The following FAR2 variants were observed in gnomAD, a reference collection of about 807,000 sequenced individuals.
FAR2 encodes the protein epididymis secretory protein Li 81.
In FAR2, 19 loss-of-function variants were observed where a neutral mutation model predicts 56.0. The observed-to-expected ratio is 0.34, with a 90% confidence interval of 0.24 to 0.50. The LOEUF (loss-of-function observed/expected upper bound fraction) is 0.50. FAR2 is among the 20% of genes least tolerant of loss of function. The probability of loss-of-function intolerance (pLI) is 0.98; values close to 1 mark genes in which losing one functional copy is unlikely to be tolerated. For synonymous variants in FAR2, 219 were observed against 218.8 expected, an observed-to-expected ratio of 1.00 and a Z score of -0.01; for missense variants, 508 against 642.2, an observed-to-expected ratio of 0.79 and a Z score of 2.26.
intron 1 of FAR2, among the ~76,000 whole-genome samples, chr12:29,204,618 G>A (rs148803618): frequency 6.6e-6 from 1 of 152,088 alleles, no homozygotes; most frequent in Non-Finnish European, 1.5e-5. Context: ...CGAGAGACTG[G>A]GTAATTTACA....
intron 1 of FAR2, among the ~76,000 whole-genome samples, chr12:29,170,048 A>G (rs1477861692): frequency 1.3e-5 from 2 of 152,320 alleles, no homozygotes; most frequent in Middle Eastern, 3.4e-3. Context: ...TTTGCTATTA[A>G]TAAGACCTCA....
chr12:29,160,605 G>A (rs1048322967), intron 1 of FAR2, among the ~76,000 whole-genome samples: 3 of 152,116 alleles, frequency 2.0e-5, no homozygotes, highest in Admixed American at 6.6e-5. Context: ...CAAACTGGGC[G>A]GCTTAACCAA....
rs80177285 is a variant in FAR2, at chr12:29,254,470, G to T, written c.-38-15942G>T. ...ATGCTTCAGTCTCTTGAGTAGCTGG[G>T]ATTACAGGAGTGTGCCATTGTGCCC... is the stretch of plus-strand genomic sequence containing the variant. On this transcript the variant is annotated intron_variant, in intron 1 of 11. Transcript: ENST00000536681. 9.2e-3 allele frequency among the ~76,000 whole-genome samples: 1,399 copies of T among 152,232 alleles called. 14 individuals carry two copies. Among genetic ancestry groups the T allele is most frequent in the Admixed American group, 0.019 (295 of 15,288 alleles).
At chr12:29,276,994 G>T (rs1948711481) in intron 2 of FAR2, among the ~76,000 whole-genome samples, 1 of 151,688 alleles carries the variant, frequency 6.6e-6, no homozygotes, top group Non-Finnish European at 1.5e-5. Context: ...TATTTATTTT[G>T]AGACGGAGTC....
At chr12:29,169,388 A>T (rs140751680) in intron 1 of FAR2, among the ~76,000 whole-genome samples, 5 of 152,230 alleles carry the variant, frequency 3.3e-5, no homozygotes, top group African/African-American at 1.2e-4. Flanking sequence ...GACCACCTGT[A>T]GCTCGATGGC....
At chr12:29,166,245 CTT>C (rs1226284771) in intron 1 of FAR2, among the ~76,000 whole-genome samples, 1 of 152,156 alleles carries the variant, frequency 6.6e-6, no homozygotes, top group Non-Finnish European at 1.5e-5. Context: ...CTGATAAGGT[CTT>C]TTGTGTGTGT....
intron 1 of FAR2, among the ~76,000 whole-genome samples, chr12:29,231,984 A>G (rs1406726619): frequency 2.0e-5 from 3 of 152,204 alleles, no homozygotes; most frequent in East Asian, 1.9e-4. Flanking sequence ...TGTTTGGAGA[A>G]TAGATAAGCA....
intron 2 of FAR2, chr12:29,281,023 C>T (rs528277280): frequency 2.0e-5 from 3 of 152,384 alleles, no homozygotes; most frequent in East Asian, 3.9e-4. Flanking sequence ...ATAGAAGACA[C>T]TCATTCCTAC....
At chr12:29,156,351 T>G (rs1363461973) in intron 1 of FAR2, 1 of 152,204 alleles carries the variant, frequency 6.6e-6, no homozygotes, top group African/African-American at 2.4e-5. Flanking sequence ...ACAAACTATT[T>G]TTGGCATTGG....
chr12:29,314,083 T>C lies in FAR2; in HGVS notation c.955+2133T>C, dbSNP rs184289703. On this transcript the variant is annotated intron_variant, in intron 8 of 11. Coordinates refer to ENST00000536681, the MANE Select transcript of FAR2 (RefSeq NM_001271783.2). ...CTCTAAGCATTAAGCATTTTTCATT[T>C]AAATTCTTCTTTGACCTATGAGGAT... 1.2e-3 allele frequency among the ~76,000 whole-genome samples: 178 copies of C among 152,352 alleles called. No homozygotes were observed. In the Middle Eastern group the frequency reaches 0.024, roughly 20 times the overall value.
At chr12:29,299,844 G>A (rs1949133353) in intron 4 of FAR2, among the ~76,000 whole-genome samples, 1 of 152,084 alleles carries the variant, frequency 6.6e-6, no homozygotes, top group African/African-American at 2.4e-5. Flanking sequence ...GCTTCACCTG[G>A]TTAATTCTTA....
At chr12:29,274,298 G>GT (rs1374364160) in intron 2 of FAR2, among the ~76,000 whole-genome samples, 9 of 149,348 alleles carry the variant, frequency 6.0e-5, no homozygotes, top group South Asian at 4.2e-4. Flanking sequence ...GTGGTGTTTG[G>GT]TTTTTTGTCC....
At chr12:29,195,853 C>T (rs561946298) in intron 1 of FAR2, among the ~76,000 whole-genome samples, 3 of 152,200 alleles carry the variant, frequency 2.0e-5, no homozygotes, top group South Asian at 4.1e-4. Context: ...TCATCCCTTA[C>T]CTTCCCCTCG....
intron 1 of FAR2, among the ~76,000 whole-genome samples, chr12:29,179,366 G>T (rs2136595598): frequency 6.6e-6 from 1 of 152,246 alleles, no homozygotes; most frequent in Non-Finnish European, 1.5e-5. Flanking sequence ...CTGGAACATT[G>T]GGCTAGGTAG....
chr12:29,249,990 CT>C (rs1948181808), intron 1 of FAR2, among the ~76,000 whole-genome samples: 1 of 152,180 alleles, frequency 6.6e-6, no homozygotes, highest in South Asian at 2.1e-4. Flanking sequence ...AAAGAGTGAT[CT>C]TTAGAAAGTT....
At chr12:29,282,327 C>T (rs1948799937) in intron 2 of FAR2, 1 of 152,194 alleles carries the variant, frequency 6.6e-6, no homozygotes, top group African/African-American at 2.4e-5. Context: ...ATGATCCTGT[C>T]TGGGTCAGAG....
chr12:29,156,590 T>C (rs764473419), intron 1 of FAR2: 1 of 152,222 alleles, frequency 6.6e-6, no homozygotes, highest in Non-Finnish European at 1.5e-5. Context: ...TCTGAGCAGA[T>C]TGGATTTCCT....
chr12:29,311,757 C>G (rs1342482211), intron 7 of FAR2, 126 bp from the exon 8 acceptor site: 1 of 632,238 alleles, frequency 1.6e-6, no homozygotes, highest in East Asian at 2.9e-5. Context: ...CGATGGAAGC[C>G]TTTCATAGGT....
chr12:29,260,684 C>G (rs983733037), intron 1 of FAR2, among the ~76,000 whole-genome samples: 1 of 152,118 alleles, frequency 6.6e-6, no homozygotes, highest in Non-Finnish European at 1.5e-5. Flanking sequence ...AAAAGAGCAT[C>G]AAGTTAAATT....
Sources: gnomAD v4.1 joint callset for allele counts (sites outside exome capture counted in the v4.1 genomes callset) on GRCh38, gnomAD v4.1.1 for gene constraint, MANE v1.5 for transcripts, NCBI Gene and HGNC (gene_info 2026-07-23, HGNC 2026-07-21) for gene names.